The following SYNPR variants were observed in gnomAD, a reference collection of about 807,000 sequenced individuals.
SYNPR encodes synaptoporin.
SYNPR carries 23 observed loss-of-function variants against 32.9 expected under a neutral mutation model. The observed-to-expected ratio is 0.70, with a 90% CI of 0.50 to 0.99. The LOEUF is 0.99. SYNPR is among the 50% of genes least tolerant of loss of function. SYNPR has a pLI of 0.00. For missense variants in SYNPR, 318 were observed against 349.3 expected (o/e 0.91, Z 0.71); for synonymous variants, 146 against 135.9 (o/e 1.07, Z -0.52).
intron 3 of SYNPR, among the ~76,000 whole-genome samples, chr3:63,531,061 T>C (rs1702104339): frequency 6.6e-6 from 1 of 152,050 alleles, no homozygotes; most frequent in Admixed American, 6.6e-5. Flanking sequence ...ATTAAGGAGA[T>C]GCTGAAAGCC....
chr3:63,595,715 TTTTATATATATATATATATATATATA>T lies in SYNPR; in HGVS notation c.409-13408_409-13383del, dbSNP rs1699922028. Among the ~76,000 whole-genome samples, 47 of 45,770 alleles carry T rather than the reference TTTTATATATATATATATATATATATA, an allele frequency of 1.0e-3. 2 individuals are homozygous for T. Among genetic ancestry groups the T allele is most frequent in the South Asian group, 2.6e-3 (4 of 1,538 alleles). The allele number at this position is 45,770 out of a possible 152,430, so 30.0% of individuals were successfully genotyped here. On this transcript the variant is annotated intron_variant, in intron 4 of 5. Transcript: ENST00000478300. ...ATGGTGGTGGGACTTCTGAATCTTA[TTTTATATATATATATATATATATATA>T]TATATATATATATATATATATATAT...
intron 4 of SYNPR, among the ~76,000 whole-genome samples, chr3:63,583,768 T>G (rs1032534307): frequency 2.6e-5 from 4 of 152,156 alleles, no homozygotes; most frequent in African/African-American, 9.7e-5. Flanking sequence ...GGATTCCCTG[T>G]TGTTAAGTCA....
chr3:63,463,224 G>C (rs1009764966), intron 2 of SYNPR, among the ~76,000 whole-genome samples: 50 of 152,150 alleles, frequency 3.3e-4, no homozygotes, highest in Non-Finnish European at 2.5e-4. Context: ...TTGCAATGAA[G>C]TGATTTTCAT....
chr3:63,282,929 TGTGA>T (rs1165613986), intron 2 of SYNPR, among the ~76,000 whole-genome samples: 1 of 152,220 alleles, frequency 6.6e-6, no homozygotes, highest in Admixed American at 6.5e-5. Context: ...TAGTTTTGTA[TGTGA>T]GTGAGTGTGC....
intron 3 of SYNPR, among the ~76,000 whole-genome samples, chr3:63,515,137 C>T (rs141265589): frequency 7.4e-4 from 113 of 152,146 alleles, no homozygotes; most frequent in Middle Eastern, 3.4e-3. Flanking sequence ...TCTGCATTTC[C>T]GTCAGTTTTA....
At chr3:63,510,477 T>C (rs929733971) in intron 3 of SYNPR, among the ~76,000 whole-genome samples, 1 of 152,076 alleles carries the variant, frequency 6.6e-6, no homozygotes, top group African/African-American at 2.4e-5. Context: ...TTCACATAAA[T>C]AAAGCAGAAA....
intron 2 of SYNPR, among the ~76,000 whole-genome samples, chr3:63,375,529 C>T (rs2087877861): frequency 6.6e-6 from 1 of 152,042 alleles, no homozygotes; most frequent in African/African-American, 2.4e-5. Context: ...AATGAGAACA[C>T]CTGGACACAG....
chr3:63,253,934 T>C (rs933028318), intron 2 of SYNPR, among the ~76,000 whole-genome samples: 10 of 152,144 alleles, frequency 6.6e-5, no homozygotes, highest in Admixed American at 6.6e-4. Context: ...CCAACAATGA[T>C]AGACTGGATT....
intron 3 of SYNPR, among the ~76,000 whole-genome samples, chr3:63,542,297 C>A (rs77831293): frequency 6.6e-6 from 1 of 152,064 alleles, no homozygotes; most frequent in East Asian, 1.9e-4. Flanking sequence ...AGTTTCAAAC[C>A]TGAAAAGCAA....
chr3:63,506,065 A>C (rs556088669), intron 3 of SYNPR, among the ~76,000 whole-genome samples: 2 of 145,786 alleles, frequency 1.4e-5, no homozygotes, highest in Middle Eastern at 3.2e-3. Flanking sequence ...TTGTCACTCA[A>C]ACTTAGATGC....
chr3:63,237,203 C>T (rs913260879), intron 1 of SYNPR, among the ~76,000 whole-genome samples: 2 of 151,548 alleles, frequency 1.3e-5, no homozygotes, highest in Non-Finnish European at 2.9e-5. Flanking sequence ...GTATTTTGTT[C>T]TTGTCTTACA....
Position 63,578,785 on chromosome 3 carries a change from C to T in SYNPR, c.408+22044C>T, listed in dbSNP as rs112292561. Among the ~76,000 whole-genome samples the T allele has an allele frequency of 3.4e-3, 524 of 152,252 alleles. 4 individuals carry two copies. The highest frequency in any genetic ancestry group is 0.012 in the African/African-American group (496 of 41,554). ...TCTCAATGAAATAGCCATCCAAGAGCCTGACTTGCCTGCATGGCAGAACTT... is the reference window on the plus strand; with the variant it reads ...TCTCAATGAAATAGCCATCCAAGAGTCTGACTTGCCTGCATGGCAGAACTT... On this transcript the variant is annotated intron_variant, in intron 4 of 5. Coordinates refer to ENST00000478300, the MANE Select transcript of SYNPR (RefSeq NM_001130003.2).
chr3:63,368,206 G>A (rs1192610939), intron 2 of SYNPR, among the ~76,000 whole-genome samples: 4 of 152,158 alleles, frequency 2.6e-5, no homozygotes, highest in East Asian at 1.9e-4. Context: ...AACTATGCAC[G>A]TTTCATTCAC....
chr3:63,240,151 T>C (rs1482432329), intron 1 of SYNPR, among the ~76,000 whole-genome samples: 2 of 152,084 alleles, frequency 1.3e-5, no homozygotes, highest in African/African-American at 4.8e-5. Flanking sequence ...TAAAACACAT[T>C]AGAGACTTAA....
Position 63,499,385 on chromosome 3 carries a change from T to C in SYNPR, c.209+18429T>C, listed in dbSNP as rs116257203. ...GTTTTTTTCTTAATAAATGAGGAAA[T>C]GACCTGTTGTAGAAAGCTGCACCAG... On this transcript the variant is annotated intron_variant, in intron 3 of 5. Coordinates refer to ENST00000478300, the MANE Select transcript of SYNPR (RefSeq NM_001130003.2). Among the ~76,000 whole-genome samples the C allele has an allele frequency of 7.8e-3, 1,191 of 152,170 alleles. 13 individuals carry two copies. Among genetic ancestry groups the C allele is most frequent in the African/African-American group, 0.027 (1,105 of 41,524 alleles).
chr3:63,392,833 G>GA (rs1166504179), intron 2 of SYNPR, among the ~76,000 whole-genome samples: 1 of 151,698 alleles, frequency 6.6e-6, no homozygotes, highest in Non-Finnish European at 1.5e-5. Flanking sequence ...ATTATTTTTG[G>GA]AAAAAAACTG....
intron 2 of SYNPR, among the ~76,000 whole-genome samples, chr3:63,316,774 T>C (rs548105000): frequency 6.6e-6 from 1 of 152,030 alleles, no homozygotes; most frequent in African/African-American, 2.4e-5. Context: ...TTCTGCTGGG[T>C]TAGGGGTTGG....
Position 63,541,645 on chromosome 3 carries a change from C to T in SYNPR, c.210-14898C>T, listed in dbSNP as rs138294202. 2.6e-5 allele frequency among the ~76,000 whole-genome samples: 4 copies of T among 152,138 alleles called. No individual in the cohort carries two copies. In the East Asian group the frequency reaches 7.7e-4, roughly 29 times the overall value. ...ATCCTCTTTTTATAAAATTATTTCCCTTCCCACTCACTCACTTAGTCTTCT... is the reference window on the plus strand; with the variant it reads ...ATCCTCTTTTTATAAAATTATTTCCTTTCCCACTCACTCACTTAGTCTTCT... On this transcript the variant is annotated intron_variant, in intron 3 of 5. Coordinates refer to ENST00000478300, the MANE Select transcript of SYNPR (RefSeq NM_001130003.2).
intron 2 of SYNPR, among the ~76,000 whole-genome samples, chr3:63,316,838 G>A (rs2087048084): frequency 6.6e-6 from 1 of 151,824 alleles, no homozygotes; most frequent in Non-Finnish European, 1.5e-5. Context: ...GTCAGTTTGT[G>A]CTCTTTCAAT....
Sources: gnomAD v4.1 joint callset for allele counts (sites outside exome capture counted in the v4.1 genomes callset) on GRCh38, gnomAD v4.1.1 for gene constraint, MANE v1.5 for transcripts, NCBI Gene and HGNC (gene_info 2026-07-23, HGNC 2026-07-21) for gene names.